Variants in CLNK observed in about 807,000 individuals in gnomAD.
The protein encoded by CLNK is cytokine-dependent hematopoietic cell linker.
Under a neutral mutation model 68.6 loss-of-function variants are expected in CLNK, and 74 were observed. That is an observed-to-expected ratio of 1.08 (90% CI 0.89 to 1.31). CLNK has a LOEUF of 1.31. Ranked by LOEUF, CLNK falls within the 50% of genes most tolerant of loss-of-function variation. CLNK has a pLI of 0.00. For missense variants in CLNK, 553 were observed against 515.3 expected (o/e 1.07, Z -0.71); for synonymous variants, 198 against 172.2 (o/e 1.15, Z -1.17).
chr4:10,728,630 G>T, the CLNK span, among the ~76,000 whole-genome samples: 1 of 136,870 alleles, frequency 7.3e-6, no homozygotes, highest in Non-Finnish European at 1.5e-5. Flanking sequence ...TTGAAACGGA[G>T]TCTCCATCTG....
At chr4:10,558,545 T>G (rs1719766461) in intron 7 of CLNK, 93 bp from the exon 8 acceptor site, 2 of 1,224,482 alleles carry the variant, frequency 1.6e-6, no homozygotes, top group Non-Finnish European at 2.4e-6. Flanking sequence ...TTCCCAAGGA[T>G]AAAGCCGTAA....
At chr4:10,687,342 G>A (rs764661127), upstream of CLNK, among the ~76,000 whole-genome samples, 16 of 152,120 alleles carry the variant, frequency 1.1e-4, no homozygotes, top group African/African-American at 2.7e-4. Context: ...AATAGGAGGC[G>A]AATGTGTTCT....
chr4:10,552,218 T>C (rs575283855), intron 8 of CLNK, among the ~76,000 whole-genome samples: 1 of 152,182 alleles, frequency 6.6e-6, no homozygotes, highest in East Asian at 1.9e-4. Flanking sequence ...TTTCCTTAAT[T>C]ACTCCTGGGC....
chr4:10,671,852 T>C (rs1724655591), intron 1 of CLNK, among the ~76,000 whole-genome samples: 1 of 152,202 alleles, frequency 6.6e-6, no homozygotes, highest in African/African-American at 2.4e-5. Flanking sequence ...TTGAATTGGC[T>C]TAGGTCAGCA....
intron 2 of CLNK, among the ~76,000 whole-genome samples, chr4:10,654,832 G>A (rs1286799598): frequency 1.3e-5 from 2 of 152,076 alleles, no homozygotes; most frequent in Admixed American, 6.5e-5. Context: ...GCCAGGCGTG[G>A]TGGCTCATGC....
chr4:10,531,514 G>A (rs899469666), intron 12 of CLNK: 17 of 229,150 alleles, frequency 7.4e-5, no homozygotes, highest in African/African-American at 2.1e-4. Flanking sequence ...TTGGCTCACC[G>A]TAACCTCTGC....
At chr4:10,586,626 A>G (rs548858977) in intron 3 of CLNK, among the ~76,000 whole-genome samples, 2 of 152,138 alleles carry the variant, frequency 1.3e-5, no homozygotes, top group East Asian at 3.9e-4. Flanking sequence ...ATCTTTCTAT[A>G]TAGAGATGTT....
At chr4:10,498,418 G>T (rs1208432476) in intron 18 of CLNK, among the ~76,000 whole-genome samples, 2 of 152,228 alleles carry the variant, frequency 1.3e-5, no homozygotes. Context: ...CGTGAACCCT[G>T]CAGGCGGAGT....
intron 1 of CLNK, among the ~76,000 whole-genome samples, chr4:10,671,809 G>A (rs752097598): frequency 2.4e-4 from 37 of 152,118 alleles, no homozygotes; most frequent in Non-Finnish European, 4.6e-4. Context: ...AGGAAATAAT[G>A]TATACCCTGA....
At chr4:10,699,278 C>CCACGTATGTGTGTGTACACA in the CLNK span, among the ~76,000 whole-genome samples, 10 of 101,050 alleles carry the variant, frequency 9.9e-5, 1 homozygote, top group Non-Finnish European at 1.2e-4. Flanking sequence ...CACACACACA[C>CCACGTATGTGTGTGTACACA]CACATACGTG....
intron 8 of CLNK, among the ~76,000 whole-genome samples, chr4:10,544,841 G>A (rs895147072): frequency 6.6e-6 from 1 of 152,130 alleles, no homozygotes. Flanking sequence ...TACTAAGACG[G>A]TGCAGGACAG....
chr4:10,699,762 C>T, the CLNK span, among the ~76,000 whole-genome samples: 8 of 151,680 alleles, frequency 5.3e-5, no homozygotes, highest in Admixed American at 3.3e-4. Context: ...GATCCATCCG[C>T]CTCAGCCTCC....
intron 2 of CLNK, among the ~76,000 whole-genome samples, chr4:10,662,670 T>C (rs6850317): frequency 0.44 from 66,718 of 152,066 alleles, 15,292 homozygotes; most frequent in East Asian, 0.51. Context: ...GGAAACATTG[T>C]TATTAAATGA....
At chr4:10,647,530 T>A (rs183049581) in intron 2 of CLNK, among the ~76,000 whole-genome samples, 136 of 152,286 alleles carry the variant, frequency 8.9e-4, no homozygotes, top group Middle Eastern at 3.4e-3. Context: ...TTTTTGGAGT[T>A]GGAAGAGCAC....
At chr4:10,624,506 A>T (rs897660435) in intron 2 of CLNK, among the ~76,000 whole-genome samples, 1 of 150,080 alleles carries the variant, frequency 6.7e-6, no homozygotes, top group African/African-American at 2.4e-5. Context: ...GTTAGCCAGG[A>T]TGGTCTCGAT....
intron 2 of CLNK, among the ~76,000 whole-genome samples, chr4:10,659,068 G>T (rs944120989): frequency 6.6e-6 from 1 of 152,170 alleles, no homozygotes; most frequent in Non-Finnish European, 1.5e-5. Flanking sequence ...GCTGGGCATG[G>T]TGGTAGGCAC....
At chr4:10,699,343 T>TACACACACACCACATACGTGTGTGTATAC in the CLNK span, among the ~76,000 whole-genome samples, 133 of 29,858 alleles carry the variant, frequency 4.5e-3, 4 homozygotes, top group Non-Finnish European at 6.2e-3. Flanking sequence ...CGTGTGTGTA[T>TACACACACACCACATACGTGTGTGTATAC]ACACACACAC....
At chr4:10,573,312 G>T (rs1337458553) in intron 4 of CLNK, among the ~76,000 whole-genome samples, 3 of 152,174 alleles carry the variant, frequency 2.0e-5, no homozygotes, top group East Asian at 3.9e-4. Flanking sequence ...CAGTACATAT[G>T]GGAAGTGTTA....
intron 2 of CLNK, among the ~76,000 whole-genome samples, chr4:10,625,199 C>G (rs893521070): frequency 6.6e-6 from 1 of 152,154 alleles, no homozygotes; most frequent in Admixed American, 6.5e-5. Context: ...CCACCAGGCC[C>G]TGTGGATGGC....
Sources: gnomAD v4.1 joint callset for allele counts (sites outside exome capture counted in the v4.1 genomes callset) on GRCh38, gnomAD v4.1.1 for gene constraint, MANE v1.5 for transcripts, NCBI Gene and HGNC (gene_info 2026-07-23, HGNC 2026-07-21) for gene names.